The following ADGRL4 variants were observed in gnomAD, a reference collection of about 807,000 sequenced individuals.
ADGRL4 encodes adhesion G protein-coupled receptor L4, also known as EGF, latrophilin and seven transmembrane domain containing 1.
ADGRL4 carries 90 observed loss-of-function variants against 74.8 expected under a neutral mutation model. The ratio of observed to expected loss-of-function variants is 1.20; its 90% CI spans 1.02 to 1.43. ADGRL4 has a LOEUF of 1.43. Among genes scored for constraint, ADGRL4 ranks in the 40% most tolerant of loss-of-function variants. The pLI, the probability that ADGRL4 is intolerant of heterozygous loss-of-function variation, is 0.00. For missense variants in ADGRL4, 881 were observed against 814.3 expected (o/e 1.08, Z -1.00); for synonymous variants, 311 against 279.2 (o/e 1.11, Z -1.14).
At chr1:78,971,326 G>T (rs1028652218) in intron 2 of ADGRL4, among the ~76,000 whole-genome samples, 1 of 151,910 alleles carries the variant, frequency 6.6e-6, no homozygotes, top group Non-Finnish European at 1.5e-5. Flanking sequence ...TGTGCATAAC[G>T]TGCAGGTTTG....
At chr1:78,900,679 C>T (rs1648498053) in intron 12 of ADGRL4, among the ~76,000 whole-genome samples, 1 of 152,096 alleles carries the variant, frequency 6.6e-6, no homozygotes, top group Admixed American at 6.6e-5. Context: ...CACTATTCTT[C>T]TCTCTCTGAT....
chr1:78,931,133 A>G (rs1473086128), intron 7 of ADGRL4, among the ~76,000 whole-genome samples: 1 of 151,260 alleles, frequency 6.6e-6, no homozygotes, highest in Non-Finnish European at 1.5e-5. Flanking sequence ...ACATAAACAG[A>G]TTCTCCAAGG....
intron 3 of ADGRL4, among the ~76,000 whole-genome samples, chr1:78,944,277 T>C (rs1472777707): frequency 6.6e-6 from 1 of 152,206 alleles, no homozygotes; most frequent in Admixed American, 6.5e-5. Flanking sequence ...ATTACAGTGA[T>C]TAAGATGTTA....
intron 1 of ADGRL4, among the ~76,000 whole-genome samples, chr1:79,006,105 G>A (rs1362951503): frequency 6.6e-6 from 1 of 152,200 alleles, no homozygotes; most frequent in Non-Finnish European, 1.5e-5. Flanking sequence ...TATGAAGCAT[G>A]AGGTCATTGT....
chr1:78,957,230 TA>T lies in ADGRL4; in HGVS notation c.173-10805del, dbSNP rs1200321407. ...ATAATACTAAAATTAGGCCAGTTAA[TA>T]ACCCTACAATGTTCTCTAAGTAAGT... On this transcript the variant is annotated intron_variant, in intron 2 of 14. Transcript: ENST00000370742. Among the ~76,000 whole-genome samples the T allele has an allele frequency of 3.9e-5, 6 of 152,288 alleles. No individual in the cohort carries two copies. In the East Asian group the frequency reaches 1.2e-3, roughly 29 times the overall value.
At chr1:78,942,261 G>A (rs1016970615) in intron 3 of ADGRL4, among the ~76,000 whole-genome samples, 1 of 151,674 alleles carries the variant, frequency 6.6e-6, no homozygotes, top group Admixed American at 6.6e-5. Flanking sequence ...ATGGGAAGGT[G>A]GAATAGTGCC....
At chr1:78,999,415 TACAA>T (rs1650788615) in intron 2 of ADGRL4, among the ~76,000 whole-genome samples, 1 of 152,092 alleles carries the variant, frequency 6.6e-6, no homozygotes, top group African/African-American at 2.4e-5. Context: ...TACAATTTTT[TACAA>T]ACAATTAGCC....
chr1:78,964,665 T>C (rs1650019046), intron 2 of ADGRL4, among the ~76,000 whole-genome samples: 1 of 152,142 alleles, frequency 6.6e-6, no homozygotes. Context: ...TGCTCTGTCA[T>C]AGGGTAATTG....
chr1:78,891,552 A>G lies in ADGRL4; in HGVS notation c.1982T>C (p.Phe661Ser). 3 of 1,613,474 alleles carry G rather than the reference A, an allele frequency of 1.9e-6. No homozygotes were observed. The highest frequency in any genetic ancestry group is 2.5e-6 in the Non-Finnish European group (3 of 1,179,714). ...VSNAFQGMFI[F>S]LFLCVLSRKI... ...TCTAGATAAAACACACAGGAATAAA[A>G]AAATGAACATCCCCTGGAAAGCATT... Residue 661 changes from phenylalanine (F) to serine (S), a missense_variant, in exon 14 of 15, where the codon TTT becomes TCT. Transcript: ENST00000370742.
intron 7 of ADGRL4, among the ~76,000 whole-genome samples, chr1:78,928,254 T>C (rs1021507728): frequency 6.6e-6 from 1 of 151,592 alleles, no homozygotes; most frequent in African/African-American, 2.4e-5. Flanking sequence ...AATTTTTGAC[T>C]TTTGATAAGG....
chr1:78,945,115 A>G (rs1204622648), intron 3 of ADGRL4, among the ~76,000 whole-genome samples: 1 of 150,066 alleles, frequency 6.7e-6, no homozygotes. Context: ...CAGTGAGCCG[A>G]GATCGCACCA....
At chr1:78,964,052 A>G (rs1449250217) in intron 2 of ADGRL4, among the ~76,000 whole-genome samples, 1 of 152,144 alleles carries the variant, frequency 6.6e-6, no homozygotes, top group Non-Finnish European at 1.5e-5. Context: ...CGATTTAACT[A>G]ACAGTTCAGA....
rs570037869 is a variant in ADGRL4 at position 78,895,269 on chromosome 1, G to A, written c.1750-2080C>T. Among the ~76,000 whole-genome samples the A allele has an allele frequency of 4.2e-4, 64 of 151,936 alleles. 1 individual carries two copies. The highest frequency in any genetic ancestry group is 1.2e-3 in the African/African-American group (51 of 41,474). ...TTCATTGATAATAATACAAATATGC[G>A]GAACTTTTTATTTTCACTTATGCTA... On this transcript the variant is annotated intron_variant, in intron 12 of 14. Transcript: ENST00000370742.
intron 12 of ADGRL4, 77 bp from the exon 13 acceptor site, chr1:78,893,266 AG>A: frequency 3.5e-6 from 3 of 858,252 alleles, no homozygotes; most frequent in Non-Finnish European, 5.5e-6. Flanking sequence ...TAAATGGTAA[AG>A]ATTTCAATAA....
intron 4 of ADGRL4, among the ~76,000 whole-genome samples, chr1:78,938,893 G>A (rs1649416109): frequency 1.3e-5 from 2 of 151,982 alleles, no homozygotes; most frequent in South Asian, 2.1e-4. Flanking sequence ...TAGAGTCAAA[G>A]TATCTCTTTA....
chr1:78,895,782 T>G (rs1382153402), intron 12 of ADGRL4, among the ~76,000 whole-genome samples: 1 of 152,042 alleles, frequency 6.6e-6, no homozygotes, highest in African/African-American at 2.4e-5. Context: ...TCACTTAGAT[T>G]TTATTTGAAG....
intron 2 of ADGRL4, among the ~76,000 whole-genome samples, chr1:78,968,375 A>G (rs1183235505): frequency 6.6e-6 from 1 of 152,010 alleles, no homozygotes; most frequent in Non-Finnish European, 1.5e-5. Context: ...CCTTAAGTAA[A>G]TAGTTTAAAG....
At chr1:78,949,573 T>C (rs1649680808) in intron 2 of ADGRL4, among the ~76,000 whole-genome samples, 1 of 152,178 alleles carries the variant, frequency 6.6e-6, no homozygotes, top group Non-Finnish European at 1.5e-5. Flanking sequence ...ATTATCTTTG[T>C]GAAGTAATAT....
chr1:78,977,121 C>T (rs993635357), intron 2 of ADGRL4, among the ~76,000 whole-genome samples: 1 of 151,244 alleles, frequency 6.6e-6, no homozygotes, highest in East Asian at 2.0e-4. Context: ...ATGCTTACAC[C>T]CTTGAGATAA....
Sources: allele counts gnomAD v4.1 joint callset (sites outside exome capture counted in the v4.1 genomes callset), GRCh38; gene constraint gnomAD v4.1.1; transcripts MANE v1.5; gene names NCBI Gene and HGNC (gene_info 2026-07-23, HGNC 2026-07-21).